Variants in ASIC2 observed in about 807,000 individuals in gnomAD.
The protein encoded by ASIC2 is acid sensing ion channel subunit 2.
A neutral mutation model predicts 57.3 loss-of-function variants in ASIC2; 25 were observed. The observed-to-expected ratio is 0.44, with a 90% CI of 0.32 to 0.61. The LOEUF (loss-of-function observed/expected upper bound fraction) is 0.61, where lower values mean the gene tolerates loss of function less well. ASIC2 is among the 20% of genes least tolerant of loss of function. ASIC2 has a pLI of 0.06. For synonymous variants in ASIC2, 319 were observed against 307.5 expected, an observed-to-expected ratio of 1.04 and a Z score of -0.39; for missense variants, 641 against 738.1, an observed-to-expected ratio of 0.87 and a Z score of 1.52.
chr17:33,902,963 T>C (rs553393159), intron 1 of ASIC2, among the ~76,000 whole-genome samples: 3 of 152,278 alleles, frequency 2.0e-5, no homozygotes, highest in Non-Finnish European at 2.9e-5. Context: ...CATTCCCCCT[T>C]AGTCCAGGAA....
intron 1 of ASIC2, among the ~76,000 whole-genome samples, chr17:33,479,702 A>G (rs1913341254): frequency 6.6e-6 from 1 of 152,104 alleles, no homozygotes; most frequent in Non-Finnish European, 1.5e-5. Flanking sequence ...GCCCAGCTGG[A>G]TGGTGTAGGC....
At chr17:33,208,510 A>T (rs2278) in intron 1 of ASIC2, among the ~76,000 whole-genome samples, 60,673 of 151,932 alleles carry the variant, frequency 0.4, 12,649 homozygotes, top group Non-Finnish European at 0.44. Context: ...TCTTTCCCTC[A>T]GAGCTTTGCT....
intron 1 of ASIC2, among the ~76,000 whole-genome samples, chr17:33,275,960 C>T (rs748076872): frequency 6.6e-6 from 1 of 152,064 alleles, no homozygotes; most frequent in East Asian, 1.9e-4. Flanking sequence ...GTAGGCAGCA[C>T]GGAACCACAT....
At chr17:33,479,931 T>G (rs1913349052) in intron 1 of ASIC2, among the ~76,000 whole-genome samples, 1 of 152,114 alleles carries the variant, frequency 6.6e-6, no homozygotes, top group Non-Finnish European at 1.5e-5. Flanking sequence ...CCCCTTTGCT[T>G]CCTTGTGCTA....
At chr17:33,066,125 T>A (rs1167133237) in intron 3 of ASIC2, among the ~76,000 whole-genome samples, 1 of 152,212 alleles carries the variant, frequency 6.6e-6, no homozygotes, top group Non-Finnish European at 1.5e-5. Flanking sequence ...CAGCGAGTCC[T>A]TTCCCCGTGG....
At chr17:34,038,197 T>G in intron 1 of ASIC2, 2 of 1,612,476 alleles carry the variant, frequency 1.2e-6, no homozygotes, top group African/African-American at 1.3e-5. Context: ...TTATTTCATT[T>G]AAGTACTTTA....
chr17:33,894,438 G>A, intron 1 of ASIC2, among the ~76,000 whole-genome samples: 1 of 151,804 alleles, frequency 6.6e-6, no homozygotes, highest in East Asian at 1.9e-4. Context: ...TCCAAGCAGA[G>A]AACAGATATC....
At chr17:33,333,742 G>A (rs1240428197) in intron 1 of ASIC2, among the ~76,000 whole-genome samples, 1 of 152,188 alleles carries the variant, frequency 6.6e-6, no homozygotes, top group African/African-American at 2.4e-5. Context: ...CATGTGATTA[G>A]AAAATCATCT....
chr17:33,796,567 T>C (rs2172091), intron 1 of ASIC2, among the ~76,000 whole-genome samples: 104,309 of 152,076 alleles, frequency 0.69, 36,589 homozygotes, highest in Non-Finnish European at 0.77. Context: ...GCTAAAACTG[T>C]AGTGAACACT....
intron 1 of ASIC2, among the ~76,000 whole-genome samples, chr17:33,881,925 G>C (rs1452552978): frequency 6.6e-6 from 1 of 152,100 alleles, no homozygotes; most frequent in Non-Finnish European, 1.5e-5. Flanking sequence ...TAGACCAATG[G>C]AACAGAACAG....
intron 1 of ASIC2, among the ~76,000 whole-genome samples, chr17:33,632,667 T>G (rs1906212045): frequency 6.6e-6 from 1 of 152,152 alleles, no homozygotes. Flanking sequence ...ACTCCTGGCC[T>G]CAAGTCCTCC....
intron 1 of ASIC2, among the ~76,000 whole-genome samples, chr17:33,635,782 G>T (rs1056123233): frequency 5.3e-5 from 8 of 152,314 alleles, no homozygotes; most frequent in Non-Finnish European, 1.2e-4. Flanking sequence ...TGATTCTCCA[G>T]CCCTGCCTTC....
At chr17:33,586,260 G>T (rs1904628967) in intron 1 of ASIC2, among the ~76,000 whole-genome samples, 1 of 152,112 alleles carries the variant, frequency 6.6e-6, no homozygotes, top group South Asian at 2.1e-4. Flanking sequence ...GAGCTTCTGG[G>T]TTCTCATATT....
chr17:33,095,343 A>G (rs866694825), intron 2 of ASIC2, among the ~76,000 whole-genome samples: 23 of 152,254 alleles, frequency 1.5e-4, no homozygotes, highest in Middle Eastern at 6.8e-3. Flanking sequence ...CGGTGCCCCA[A>G]TGTCTAGTAC....
At chr17:33,167,172 C>A (rs1019308636) in intron 1 of ASIC2, among the ~76,000 whole-genome samples, 2 of 152,146 alleles carry the variant, frequency 1.3e-5, no homozygotes, top group African/African-American at 4.8e-5. Context: ...CCCAAGCCAC[C>A]TTTGCCCTCT....
intron 1 of ASIC2, among the ~76,000 whole-genome samples, chr17:33,271,078 A>G (rs1385722488): frequency 6.6e-6 from 1 of 152,118 alleles, no homozygotes; most frequent in African/African-American, 2.4e-5. Context: ...AACAGGGGAG[A>G]AGCCTGTCCT....
intron 1 of ASIC2, among the ~76,000 whole-genome samples, chr17:34,103,488 ATTTT>A (rs1266647868): frequency 1.3e-5 from 2 of 151,916 alleles, no homozygotes; most frequent in African/African-American, 4.8e-5. Flanking sequence ...TTTATCATTT[ATTTT>A]TTATTTTATT....
intron 1 of ASIC2, among the ~76,000 whole-genome samples, chr17:34,014,069 G>A (rs1387984785): frequency 1.3e-5 from 2 of 152,152 alleles, no homozygotes; most frequent in African/African-American, 4.8e-5. Context: ...TCCTAGAGCT[G>A]CTCTTGGTTC....
chr17:33,673,788 A>G (rs1351702973), intron 1 of ASIC2, among the ~76,000 whole-genome samples: 1 of 152,084 alleles, frequency 6.6e-6, no homozygotes, highest in Non-Finnish European at 1.5e-5. Context: ...CCCTGAACCT[A>G]CCTTACTGTC....
Sources: gnomAD v4.1 joint callset for allele counts (sites outside exome capture counted in the v4.1 genomes callset) on GRCh38, gnomAD v4.1.1 for gene constraint, MANE v1.5 for transcripts, NCBI Gene and HGNC (gene_info 2026-07-23, HGNC 2026-07-21) for gene names.